The following GPC5 variants were observed in gnomAD, a reference collection of about 807,000 sequenced individuals.
GPC5 encodes glypican 5.
GPC5 carries 47 observed loss-of-function variants against 53.9 expected under a neutral mutation model. The observed-to-expected ratio is 0.87, with a 90% CI of 0.69 to 1.11. The LOEUF is 1.11. GPC5 is among the 50% of genes most tolerant of loss of function. The pLI, the probability that GPC5 is intolerant of heterozygous loss-of-function variation, is 0.00. For synonymous variants in GPC5, 286 were observed against 263.3 expected (o/e 1.09, Z -0.84); for missense variants, 748 against 713.1 (o/e 1.05, Z -0.56).
chr13:91,726,439 G>A lies in GPC5; in HGVS notation c.1021-2093G>A, dbSNP rs532881289. Among the ~76,000 whole-genome samples the A allele has an allele frequency of 2.6e-5, 4 of 152,324 alleles. No individual in the cohort carries two copies. The South Asian group carries it at 8.3e-4, about 32-fold the overall frequency. ...TTTACATTTTGAGCAACCATCAGGA[G>A]CTTTTATCTAAAAAATAAAGCTCCT... On this transcript the variant is annotated intron_variant, in intron 3 of 7. Transcript: ENST00000377067.
intron 2 of GPC5, among the ~76,000 whole-genome samples, chr13:91,528,015 G>A (rs1199497222): frequency 2.6e-5 from 4 of 152,200 alleles, no homozygotes; most frequent in Non-Finnish European, 4.4e-5. Context: ...TGTGATGGGA[G>A]GGGCTGGTGT....
At chr13:91,706,969 TAATAGA>T (rs897753028) in intron 3 of GPC5, among the ~76,000 whole-genome samples, 3 of 151,874 alleles carry the variant, frequency 2.0e-5, no homozygotes, top group African/African-American at 4.8e-5. Flanking sequence ...AGATGAAACA[TAATAGA>T]AATAGAAAAC....
At position 91,885,076 on chromosome 13, in the gene GPC5, C is replaced by A. The variant is rs190289239; in HGVS notation, c.1281-22861C>A. Among the ~76,000 whole-genome samples the A allele has an allele frequency of 2.9e-3, 446 of 152,132 alleles. 5 individuals carry two copies. Among genetic ancestry groups the A allele is most frequent in the African/African-American group, 0.01 (429 of 41,540 alleles). ...AAATAAATCTTCCAATTAACTGAAT[C>A]GATTGTCCCCTTGCAGGATTTTGGC... On this transcript the variant is annotated intron_variant, in intron 5 of 7. Transcript: ENST00000377067.
At chr13:92,288,046 T>G (rs2042968367) in intron 7 of GPC5, among the ~76,000 whole-genome samples, 1 of 152,162 alleles carries the variant, frequency 6.6e-6, no homozygotes, top group Admixed American at 6.5e-5. Context: ...GGAATTTTTT[T>G]ATCTATCGCA....
At chr13:92,025,572 T>A (rs1408131379) in intron 6 of GPC5, among the ~76,000 whole-genome samples, 1 of 152,162 alleles carries the variant, frequency 6.6e-6, no homozygotes, top group Non-Finnish European at 1.5e-5. Context: ...GGTCATGTAG[T>A]GTAAACTATG....
At chr13:92,224,407 AC>A (rs2042469953) in intron 7 of GPC5, among the ~76,000 whole-genome samples, 1 of 152,170 alleles carries the variant, frequency 6.6e-6, no homozygotes, top group Non-Finnish European at 1.5e-5. Context: ...GTAACTCTCA[AC>A]TGTATTCTGT....
At chr13:91,746,276 A>C (rs1372824382) in intron 4 of GPC5, among the ~76,000 whole-genome samples, 1 of 152,160 alleles carries the variant, frequency 6.6e-6, no homozygotes, top group Admixed American at 6.5e-5. Context: ...GATATTTTCA[A>C]ACAGTGTGCT....
intron 7 of GPC5, among the ~76,000 whole-genome samples, chr13:92,544,414 A>T (rs913484995): frequency 8.5e-5 from 13 of 152,182 alleles, no homozygotes; most frequent in African/African-American, 3.1e-4. Flanking sequence ...TGCTCAAAGG[A>T]GTATTTAAAT....
At chr13:91,659,551 G>C (rs879294560) in intron 2 of GPC5, among the ~76,000 whole-genome samples, 2 of 152,172 alleles carry the variant, frequency 1.3e-5, no homozygotes, top group Admixed American at 1.3e-4. Flanking sequence ...CTCTTTCTAA[G>C]ATATACCATT....
At chr13:91,509,626 A>T (rs1885130666) in intron 2 of GPC5, among the ~76,000 whole-genome samples, 1 of 151,970 alleles carries the variant, frequency 6.6e-6, no homozygotes, top group Non-Finnish European at 1.5e-5. Flanking sequence ...CTAAATGCTC[A>T]AAAGAGTTTT....
intron 7 of GPC5, among the ~76,000 whole-genome samples, chr13:92,713,051 C>T (rs1372261890): frequency 1.3e-5 from 2 of 151,646 alleles, no homozygotes; most frequent in African/African-American, 4.8e-5. Flanking sequence ...CCCAAGCAAA[C>T]TAATACACCT....
intron 2 of GPC5, among the ~76,000 whole-genome samples, chr13:91,498,633 T>C (rs996356923): frequency 6.6e-6 from 1 of 152,102 alleles, no homozygotes; most frequent in African/African-American, 2.4e-5. Context: ...TATTTGTGTT[T>C]TTAAAAAGAT....
intron 7 of GPC5, among the ~76,000 whole-genome samples, chr13:92,734,000 G>A (rs1425983997): frequency 6.6e-6 from 1 of 151,792 alleles, no homozygotes; most frequent in Non-Finnish European, 1.5e-5. Flanking sequence ...GTTTTAGATA[G>A]TGGCTGAGGC....
intron 5 of GPC5, among the ~76,000 whole-genome samples, chr13:91,823,942 A>T (rs2038535350): frequency 6.6e-6 from 1 of 152,068 alleles, no homozygotes; most frequent in African/African-American, 2.4e-5. Flanking sequence ...ACCACTTTGA[A>T]ATATCAATAT....
chr13:91,493,744 T>C (rs1196039449), intron 2 of GPC5, among the ~76,000 whole-genome samples: 1 of 152,038 alleles, frequency 6.6e-6, no homozygotes, highest in African/African-American at 2.4e-5. Flanking sequence ...AAGTTCTATA[T>C]CCCTTTCATC....
At chr13:92,583,410 A>C (rs115456270) in intron 7 of GPC5, among the ~76,000 whole-genome samples, 1 of 152,244 alleles carries the variant, frequency 6.6e-6, no homozygotes, top group Non-Finnish European at 1.5e-5. Context: ...TCAGTTTACC[A>C]TCAGAAAGCA....
chr13:91,801,483 G>GA (rs1454129896), intron 5 of GPC5, among the ~76,000 whole-genome samples: 4 of 152,024 alleles, frequency 2.6e-5, no homozygotes, highest in Non-Finnish European at 4.4e-5. Context: ...GTTCCCCTGT[G>GA]AAAAAATTTT....
chr13:92,070,203 G>A (rs1345689662), intron 6 of GPC5, among the ~76,000 whole-genome samples: 2 of 152,108 alleles, frequency 1.3e-5, no homozygotes, highest in East Asian at 3.9e-4. Context: ...AAGGAAATGG[G>A]GACTGCGATA....
chr13:92,677,624 G>A (rs1318071434), intron 7 of GPC5, among the ~76,000 whole-genome samples: 1 of 152,200 alleles, frequency 6.6e-6, no homozygotes, highest in African/African-American at 2.4e-5. Context: ...TTAAAAGCAG[G>A]AGAAGGATAG....
Sources: gnomAD v4.1 joint callset for allele counts (sites outside exome capture counted in the v4.1 genomes callset) on GRCh38, gnomAD v4.1.1 for gene constraint, MANE v1.5 for transcripts, NCBI Gene and HGNC (gene_info 2026-07-23, HGNC 2026-07-21) for gene names.